The following CCDC7 variants were observed in gnomAD, a reference collection of about 807,000 sequenced individuals.
CCDC7 encodes coiled-coil domain containing 7.
A neutral mutation model predicts 196.9 loss-of-function variants in CCDC7; 183 were observed. That is an observed-to-expected ratio of 0.93 (90% CI 0.82 to 1.05). The LOEUF (loss-of-function observed/expected upper bound fraction) is 1.05. CCDC7 is among the 50% of genes least tolerant of loss of function. CCDC7 has a pLI of 0.00. For synonymous variants in CCDC7, 525 were observed against 484.6 expected, an observed-to-expected ratio of 1.08 and a Z score of -1.10; for missense variants, 1,540 against 1,482.2, an observed-to-expected ratio of 1.04 and a Z score of -0.64.
intron 41 of CCDC7, among the ~76,000 whole-genome samples, chr10:32,860,124 A>C (rs2093922529): frequency 6.6e-6 from 1 of 152,208 alleles, no homozygotes; most frequent in Non-Finnish European, 1.5e-5. Context: ...AGAAAATTTC[A>C]GGCCAATATC....
chr10:32,789,187 A>G (rs111580685), intron 29 of CCDC7, among the ~76,000 whole-genome samples: 83 of 152,020 alleles, frequency 5.5e-4, no homozygotes, highest in African/African-American at 1.9e-3. Flanking sequence ...CATGGGCACA[A>G]GAATTATGAA....
chr10:32,729,771 A>G (rs915178679), intron 28 of CCDC7, among the ~76,000 whole-genome samples: 2 of 152,142 alleles, frequency 1.3e-5, no homozygotes, highest in African/African-American at 4.8e-5. Context: ...ATTCTTCAAA[A>G]AACAGTTTTT....
intron 13 of CCDC7, among the ~76,000 whole-genome samples, chr10:32,553,501 A>T (rs2053840370): frequency 1.3e-5 from 2 of 152,016 alleles, no homozygotes; most frequent in Admixed American, 1.3e-4. Context: ...TTGTTTTGTC[A>T]TATTTCCAGG....
In CCDC7 at chr10:32,692,017, C is replaced by T. The variant is rs776481709; in HGVS notation, c.2344+2854C>T. ...TAGTGATAAGCTCCACAATATGCCCCTTTCACTCCCTAAGTTAAACAAGAT... is the reference window on the plus strand; with the variant it reads ...TAGTGATAAGCTCCACAATATGCCCTTTTCACTCCCTAAGTTAAACAAGAT... On this transcript the variant is annotated intron_variant, in intron 23 of 41. Coordinates refer to ENST00000639629, the Ensembl canonical transcript of CCDC7. Among the ~76,000 whole-genome samples the T allele has an allele frequency of 2.0e-5, 3 of 152,222 alleles. No individual in the cohort carries two copies. In the East Asian group the frequency reaches 5.8e-4, roughly 29 times the overall value.
At chr10:32,484,217 C>T (rs539515445) in intron 8 of CCDC7, among the ~76,000 whole-genome samples, 46 of 152,164 alleles carry the variant, frequency 3.0e-4, no homozygotes, top group African/African-American at 1.0e-3. Context: ...TTCACATGCC[C>T]TGTAAGTTGT....
intron 28 of CCDC7, among the ~76,000 whole-genome samples, chr10:32,767,165 G>T (rs1452499400): frequency 2.6e-5 from 4 of 152,016 alleles, no homozygotes; most frequent in African/African-American, 9.7e-5. Flanking sequence ...CTCCCACTGG[G>T]CACGTGTCCA....
Position 32,518,437 on chromosome 10 carries a change from G to A in CCDC7, c.925G>A (p.Asp309Asn). 2 of 1,602,952 alleles carry A rather than the reference G, an allele frequency of 1.2e-6. No homozygotes were observed. The highest frequency in any genetic ancestry group is 1.7e-5 in the Admixed American group (1 of 58,190). ...TTAGGAATACAAACAGATGCAGTGTGATTTTCAGTTGTTATCAGAAGAGAA... is the reference window on the plus strand; with the variant it reads ...TTAGGAATACAAACAGATGCAGTGTAATTTTCAGTTGTTATCAGAAGAGAA... The change falls in exon 11 of 42, where the codon GAT (aspartate) becomes AAT (asparagine). Residue 309 changes from aspartate to asparagine, a missense_variant. Coordinates refer to ENST00000639629, the Ensembl canonical transcript of CCDC7.
At chr10:32,808,639 G>C (rs775534091) in intron 30 of CCDC7, among the ~76,000 whole-genome samples, 6 of 114,692 alleles carry the variant, frequency 5.2e-5, no homozygotes, top group Non-Finnish European at 1.0e-4. Context: ...CACTAATCCT[G>C]ATGCTCACAT....
chr10:32,630,040 T>C (rs1213847810), intron 18 of CCDC7, among the ~76,000 whole-genome samples: 1 of 152,196 alleles, frequency 6.6e-6, no homozygotes, highest in African/African-American at 2.4e-5. Flanking sequence ...CTCCCAGATA[T>C]TGGCTTGTTA....
At chr10:32,832,507 G>A (rs565727670) in intron 32 of CCDC7, among the ~76,000 whole-genome samples, 18 of 151,972 alleles carry the variant, frequency 1.2e-4, no homozygotes, top group Admixed American at 3.3e-4. Context: ...AATTATGGAG[G>A]CCAGAAGGCA....
chr10:32,643,946 T>C (rs1288067179), intron 20 of CCDC7, among the ~76,000 whole-genome samples: 1 of 151,878 alleles, frequency 6.6e-6, no homozygotes, highest in Non-Finnish European at 1.5e-5. Flanking sequence ...ACTTAAATTT[T>C]TATAAAAATG....
rs778472085 is a variant in CCDC7, at chr10:32,824,563, A to G, written c.3227A>G (p.Asn1076Ser). 1.9e-5 allele frequency: 31 copies of G among 1,612,304 alleles called. No individual in the cohort carries two copies. In the African/African-American group the frequency reaches 3.6e-4, roughly 19 times the overall value. Reference sequence around the variant, plus strand: ...AGTACAACTGAGAGAGGTACAATAAATGATGCAATTAAGACGCAGTTAAAG... The same window carrying G: ...AGTACAACTGAGAGAGGTACAATAAGTGATGCAATTAAGACGCAGTTAAAG... Residue 1076 changes from asparagine to serine, a missense_variant, in exon 32 of 42, where the codon AAT (asparagine) becomes AGT (serine). Physicochemically the swap from Asn to Ser is conservative, Grantham distance 46 (BLOSUM62 1). Coordinates refer to ENST00000639629, the Ensembl canonical transcript of CCDC7.
At chr10:32,646,853 A>G (rs2067852894) in intron 20 of CCDC7, among the ~76,000 whole-genome samples, 1 of 152,154 alleles carries the variant, frequency 6.6e-6, no homozygotes. Context: ...CTGTTCCTGT[A>G]TTAATTTGTT....
At chr10:32,634,683 C>T (rs1306607167) in intron 19 of CCDC7, among the ~76,000 whole-genome samples, 2 of 152,212 alleles carry the variant, frequency 1.3e-5, no homozygotes, top group Admixed American at 1.3e-4. Context: ...GTGTGAGCCA[C>T]TGCACTTGGC....
At chr10:32,808,301 A>T (rs1397449050) in intron 30 of CCDC7, among the ~76,000 whole-genome samples, 1 of 152,102 alleles carries the variant, frequency 6.6e-6, no homozygotes, top group African/African-American at 2.4e-5. Context: ...TGCCCTGATT[A>T]CCAGGGGACC....
intron 33 of CCDC7, among the ~76,000 whole-genome samples, chr10:32,842,045 G>T (rs2093009047): frequency 6.6e-6 from 1 of 152,010 alleles, no homozygotes; most frequent in African/African-American, 2.4e-5. Context: ...CTTAAGCAAA[G>T]ACTTCATGAC....
intron 20 of CCDC7, among the ~76,000 whole-genome samples, chr10:32,658,205 A>G (rs1186166786): frequency 3.3e-5 from 5 of 152,192 alleles, no homozygotes; most frequent in Non-Finnish European, 5.9e-5. Flanking sequence ...GGTTATCTTT[A>G]TGGCAGTGCC....
At chr10:32,581,667 G>A (rs117426298) in intron 16 of CCDC7, among the ~76,000 whole-genome samples, 125 of 152,218 alleles carry the variant, frequency 8.2e-4, no homozygotes, top group Non-Finnish European at 1.5e-3. Context: ...GCCTGAACGT[G>A]GGAATATGGT....
At position 32,722,775 on chromosome 10, in the gene CCDC7, GCACAATT is replaced by G. The variant is rs1284393302; in HGVS notation, c.2570-3956_2570-3950del. ...ACTTCAACTTACCTGTTTTAGAGGG[GCACAATT>G]CAACCCGTAACCCTCCCATCATAGT... On this transcript the variant is annotated intron_variant, in intron 25 of 41. Transcript: ENST00000639629. 1.1e-4 allele frequency among the ~76,000 whole-genome samples: 17 copies of G among 152,092 alleles called. No homozygotes were observed. The East Asian group carries it at 3.1e-3, about 28-fold the overall frequency.
Sources: allele counts gnomAD v4.1 joint callset (sites outside exome capture counted in the v4.1 genomes callset), GRCh38; gene constraint gnomAD v4.1.1; transcripts MANE v1.5; gene names NCBI Gene and HGNC (gene_info 2026-07-23, HGNC 2026-07-21).